The following ADARB2 variants were observed in gnomAD, a reference collection of about 807,000 sequenced individuals.
ADARB2 encodes the protein adenosine deaminase RNA specific B2 (inactive), also known as inactive double-stranded RNA-specific editase B2.
In ADARB2, 25 loss-of-function variants were observed where a neutral mutation model predicts 62.2. The observed-to-expected ratio is 0.40, with a 90% CI of 0.29 to 0.56. ADARB2 has a LOEUF of 0.56. Among genes scored for constraint, ADARB2 ranks in the 20% least tolerant of loss-of-function variants. ADARB2 has a pLI of 0.43. For synonymous variants in ADARB2, 572 were observed against 500.8 expected (o/e 1.14, Z -1.90); for missense variants, 1,071 against 1,077.4 (o/e 0.99, Z 0.08).
At chr10:1,474,919 G>A (rs1381877216) in intron 1 of ADARB2, among the ~76,000 whole-genome samples, 1 of 152,180 alleles carries the variant, frequency 6.6e-6, no homozygotes, top group Non-Finnish European at 1.5e-5. Context: ...GCTGGACCGA[G>A]CCCGGGGCCT....
intron 1 of ADARB2, among the ~76,000 whole-genome samples, chr10:1,533,161 C>T (rs1309027751): frequency 6.6e-6 from 1 of 151,644 alleles, no homozygotes; most frequent in East Asian, 1.9e-4. Context: ...CTCCATTGCC[C>T]AGGCTGGAGT....
At chr10:1,409,187 G>A (rs889299411) in intron 1 of ADARB2, among the ~76,000 whole-genome samples, 33 of 151,314 alleles carry the variant, frequency 2.2e-4, no homozygotes, top group African/African-American at 7.8e-4. Flanking sequence ...TGCCTTCCTC[G>A]ACCCGCCCTG....
chr10:1,652,412 C>T (rs189777309), intron 1 of ADARB2, among the ~76,000 whole-genome samples: 3 of 152,322 alleles, frequency 2.0e-5, no homozygotes, highest in Admixed American at 2.0e-4. Context: ...ACCAAGCCAT[C>T]TGTGCTCCTC....
chr10:1,686,386 T>G lies in ADARB2; in HGVS notation c.100+50665A>C, dbSNP rs529624761. Among the ~76,000 whole-genome samples, 8 of 152,274 alleles carry G rather than the reference T, an allele frequency of 5.3e-5. No homozygotes were observed. In the East Asian group the frequency reaches 1.4e-3, roughly 26 times the overall value. On this transcript the variant is annotated intron_variant, in intron 1 of 9. Coordinates refer to ENST00000381312, the MANE Select transcript of ADARB2 (RefSeq NM_018702.4). ...GCTGGGAGAGTGAGAACCAAATAGG[T>G]TTGAAGGAAGCATACCTTGAAAACT...
chr10:1,485,115 T>C (rs954739083), intron 1 of ADARB2, among the ~76,000 whole-genome samples: 1 of 152,126 alleles, frequency 6.6e-6, no homozygotes, highest in Non-Finnish European at 1.5e-5. Context: ...GGTATGCATG[T>C]AGATACCTGT....
rs143387298 is a variant in ADARB2, at chr10:1,377,329, T to TGG, written c.187+1743_187+1744dup. ...GTGTGTGTGCACACATGCACATGCC[T>TGG]GGTGTGTGCTCCTGGGGTGTGTGTG... On this transcript the variant is annotated intron_variant, in intron 2 of 9. Transcript: ENST00000381312. 4.3e-3 allele frequency among the ~76,000 whole-genome samples: 570 copies of TGG among 132,636 alleles called. 16 individuals are homozygous for TGG. The East Asian group carries it at 0.09, about 21-fold the overall frequency. The allele number at this position is 132,636 out of a possible 152,430, so 87.0% of individuals were successfully genotyped here. A position where few individuals can be genotyped will look rare whatever the true frequency, so the allele number is the denominator to read the frequency against.
At chr10:1,680,747 T>C (rs1237975136) in intron 1 of ADARB2, among the ~76,000 whole-genome samples, 2 of 152,200 alleles carry the variant, frequency 1.3e-5, no homozygotes, top group Non-Finnish European at 2.9e-5. Flanking sequence ...TTGGGGAAAA[T>C]GTCTGATGCT....
chr10:1,379,302 C>A (rs986725049), intron 1 of ADARB2, 142 bp from the exon 2 acceptor site: 2 of 647,202 alleles, frequency 3.1e-6, no homozygotes, highest in East Asian at 2.8e-5. Flanking sequence ...CTGGTTCAGT[C>A]TTTTATTGAA....
chr10:1,715,676 C>T (rs1292804697), intron 1 of ADARB2, among the ~76,000 whole-genome samples: 2 of 152,174 alleles, frequency 1.3e-5, no homozygotes, highest in Admixed American at 1.3e-4. Flanking sequence ...TGAAACTAAA[C>T]CCATTAATTT....
chr10:1,678,145 G>A, intron 1 of ADARB2: 6 of 985,296 alleles, frequency 6.1e-6, no homozygotes, highest in Non-Finnish European at 7.2e-6. Context: ...GATGGCAGGG[G>A]CTTGGCTGAG....
chr10:1,508,789 A>G (rs2131943231), intron 1 of ADARB2, among the ~76,000 whole-genome samples: 1 of 152,282 alleles, frequency 6.6e-6, no homozygotes, highest in South Asian at 2.1e-4. Flanking sequence ...TCTCAAAACA[A>G]ATAAAGAAGG....
chr10:1,525,949 G>A (rs1832135620), intron 1 of ADARB2, among the ~76,000 whole-genome samples: 2 of 152,090 alleles, frequency 1.3e-5, no homozygotes, highest in Non-Finnish European at 2.9e-5. Context: ...ACGTATGGGT[G>A]TGTGTGCGTG....
chr10:1,437,819 C>G (rs1371162957), intron 1 of ADARB2, among the ~76,000 whole-genome samples: 3 of 152,194 alleles, frequency 2.0e-5, no homozygotes, highest in African/African-American at 7.2e-5. Context: ...AACAGTAAAA[C>G]TTAAAATGGG....
chr10:1,553,277 CT>C (rs1832654339), intron 1 of ADARB2, among the ~76,000 whole-genome samples: 1 of 152,222 alleles, frequency 6.6e-6, no homozygotes, highest in South Asian at 2.1e-4. Context: ...GTTTTAGCTG[CT>C]TTTAATGGCT....
At chr10:1,243,584 C>T (rs1019858909) in intron 4 of ADARB2, among the ~76,000 whole-genome samples, 2 of 152,216 alleles carry the variant, frequency 1.3e-5, no homozygotes, top group Non-Finnish European at 2.9e-5. Context: ...TGGGCCTCAC[C>T]GTGGGATCTT....
intron 1 of ADARB2, among the ~76,000 whole-genome samples, chr10:1,380,419 T>C (rs1184587542): frequency 2.6e-5 from 4 of 152,258 alleles, no homozygotes. Context: ...CATCACCCTG[T>C]AACAAGGACG....
At chr10:1,575,991 ACTAAAGGGAAGTT>A (rs1833008236) in intron 1 of ADARB2, among the ~76,000 whole-genome samples, 3 of 145,098 alleles carry the variant, frequency 2.1e-5, no homozygotes, top group East Asian at 2.1e-4. Context: ...GCTCAGGGTC[ACTAAAGGGAAGTT>A]CAGGATCCAT....
At chr10:1,444,162 CCACCCACCCACTTACTCATT>C in intron 1 of ADARB2, among the ~76,000 whole-genome samples, 1 of 151,864 alleles carries the variant, frequency 6.6e-6, no homozygotes, top group Admixed American at 6.6e-5. Flanking sequence ...ATCCATCCAT[CCACCCACCCACTTACTCATT>C]CATCCATCCA....
chr10:1,354,290 G>A (rs1284659813), intron 3 of ADARB2, among the ~76,000 whole-genome samples: 6 of 152,190 alleles, frequency 3.9e-5, no homozygotes, highest in South Asian at 2.1e-4. Context: ...CCATCTGGCC[G>A]GTTTCTGCCT....
Sources: allele counts gnomAD v4.1 joint callset (sites outside exome capture counted in the v4.1 genomes callset), GRCh38; gene constraint gnomAD v4.1.1; transcripts MANE v1.5; gene names NCBI Gene and HGNC (gene_info 2026-07-23, HGNC 2026-07-21).